Variants in SREBF2 observed in about 807,000 individuals in gnomAD.
The protein encoded by SREBF2 is sterol regulatory element-binding protein 2.
SREBF2 carries 55 observed loss-of-function variants against 113.1 expected under a neutral mutation model. The observed-to-expected ratio is 0.49, with a 90% CI of 0.39 to 0.61. SREBF2 has a LOEUF of 0.61. SREBF2 is among the 20% of genes least tolerant of loss of function. The probability of loss-of-function intolerance (pLI) is 0.00; values close to 1 mark genes in which losing one functional copy is unlikely to be tolerated. For missense variants in SREBF2, 1,349 were observed against 1,487.4 expected (o/e 0.91, Z 1.53); for synonymous variants, 593 against 605.7 (o/e 0.98, Z 0.31).
At chr22:41,898,240 A>G (rs1487038224) in intron 14 of SREBF2, among the ~76,000 whole-genome samples, 1 of 151,936 alleles carries the variant, frequency 6.6e-6, no homozygotes, top group African/African-American at 2.4e-5. Flanking sequence ...CAGCCTCCCT[A>G]GTAGCTGGGA....
At chr22:41,876,138 C>T (rs953419673) in intron 7 of SREBF2, among the ~76,000 whole-genome samples, 1 of 152,212 alleles carries the variant, frequency 6.6e-6, no homozygotes, top group Admixed American at 6.5e-5. Flanking sequence ...GAAATGATTA[C>T]AATTTGCAGT....
chr22:41,902,582 T>C (rs544235112), intron 16 of SREBF2, among the ~76,000 whole-genome samples: 38 of 152,268 alleles, frequency 2.5e-4, no homozygotes, highest in African/African-American at 8.9e-4. Flanking sequence ...CCTTGGTACC[T>C]TGTGGGTATC....
At chr22:41,873,666 G>T (rs769116976) in intron 4 of SREBF2, 132 bp from the exon 5 acceptor site, 89 of 897,482 alleles carry the variant, frequency 9.9e-5, no homozygotes, top group Non-Finnish European at 1.5e-4. Context: ...GATTAACCCA[G>T]GAAGAGTCTC....
chr22:41,872,681 A>G (rs1411987423), intron 4 of SREBF2, among the ~76,000 whole-genome samples: 2 of 152,042 alleles, frequency 1.3e-5, no homozygotes, highest in African/African-American at 2.4e-5. Context: ...ACCTGAGGTC[A>G]GTAGTTTGAG....
At chr22:41,841,130 G>C (rs560554738) in intron 1 of SREBF2, among the ~76,000 whole-genome samples, 26 of 152,304 alleles carry the variant, frequency 1.7e-4, no homozygotes, top group African/African-American at 5.5e-4. Context: ...CTAGGAGTGA[G>C]TGTTGGGGAT....
At chr22:41,869,524 C>A (rs1244530061) in intron 3 of SREBF2, among the ~76,000 whole-genome samples, 1 of 150,592 alleles carries the variant, frequency 6.6e-6, no homozygotes. Context: ...GCTCTTGTTG[C>A]CCAGGTTGGA....
At chr22:41,845,112 G>T (rs2076865226) in intron 1 of SREBF2, among the ~76,000 whole-genome samples, 1 of 151,922 alleles carries the variant, frequency 6.6e-6, no homozygotes, top group South Asian at 2.1e-4. Context: ...TGTATTTTTA[G>T]TAAAGATGAG....
At chr22:41,834,431 A>G (rs2076749642) in intron 1 of SREBF2, 1 of 152,654 alleles carries the variant, frequency 6.6e-6, no homozygotes, top group South Asian at 2.1e-4. Context: ...TGACTTATCT[A>G]AGGCCACTCA....
intron 1 of SREBF2, among the ~76,000 whole-genome samples, chr22:41,863,573 G>A (rs901422052): frequency 1.3e-5 from 2 of 152,192 alleles, no homozygotes; most frequent in Non-Finnish European, 2.9e-5. Flanking sequence ...TGAATTTGAG[G>A]ACATTTCTCA....
intron 1 of SREBF2, among the ~76,000 whole-genome samples, chr22:41,862,498 G>A (rs1336197845): frequency 6.6e-6 from 1 of 152,168 alleles, no homozygotes; most frequent in African/African-American, 2.4e-5. Context: ...GCCTGCCGTA[G>A]GAACTGGAGC....
intron 1 of SREBF2, among the ~76,000 whole-genome samples, chr22:41,850,927 G>C (rs2076922795): frequency 6.6e-6 from 1 of 152,096 alleles, no homozygotes; most frequent in Non-Finnish European, 1.5e-5. Flanking sequence ...TTTTGGTAGA[G>C]ATGGGGTTTC....
chr22:41,903,512 G>A (rs1017785812), intron 17 of SREBF2, among the ~76,000 whole-genome samples: 21 of 152,286 alleles, frequency 1.4e-4, no homozygotes, highest in Non-Finnish European at 2.2e-4. Context: ...GCCTGGTCCC[G>A]AGCTCCACGT....
chr22:41,845,057 A>G (rs2076864597), intron 1 of SREBF2, among the ~76,000 whole-genome samples: 1 of 150,734 alleles, frequency 6.6e-6, no homozygotes, highest in Admixed American at 6.6e-5. Context: ...TGTAATCCCG[A>G]GTAGCTGGGA....
chr22:41,846,016 G>A (rs1326899915), intron 1 of SREBF2, among the ~76,000 whole-genome samples: 1 of 152,236 alleles, frequency 6.6e-6, no homozygotes, highest in African/African-American at 2.4e-5. Flanking sequence ...GTTCCAGGCT[G>A]AGTGAACAGC....
At chr22:41,864,307 A>ATG (rs1569386209) in intron 1 of SREBF2, among the ~76,000 whole-genome samples, 39 of 106,124 alleles carry the variant, frequency 3.7e-4, no homozygotes, top group African/African-American at 1.4e-3. Context: ...ATATATATAT[A>ATG]TGTATATATA....
At chr22:41,873,286 G>C (rs1028715195) in intron 4 of SREBF2, among the ~76,000 whole-genome samples, 7 of 152,134 alleles carry the variant, frequency 4.6e-5, no homozygotes, top group African/African-American at 1.7e-4. Flanking sequence ...CTCCATGGTT[G>C]GCCTATTTAC....
rs1404463766 is a variant in SREBF2, at chr22:41,905,611, A to G, written c.3377A>G (p.Gln1126Arg). The G allele has an allele frequency of 2.5e-6, 4 of 1,600,154 alleles. No individual in the cohort carries two copies. The highest frequency in any genetic ancestry group is 3.4e-6 in the Non-Finnish European group (4 of 1,174,364). ...VGDRRSCNDCQQMIVKLGGGT... is the reference protein window; with the variant it reads ...VGDRRSCNDCRQMIVKLGGGT... ...GACCGGCGCTCCTGCAACGACTGCC[A>G]GCAGATGATTGTTAAGCTGGGTGGT... Residue 1126 changes from glutamine (Q) to arginine (R), a missense_variant, in exon 19 of 19, where the codon CAG (glutamine) becomes CGG (arginine). By Grantham distance (43) the Gln-to-Arg change is conservative (BLOSUM62 1). Transcript: ENST00000361204.
chr22:41,851,830 A>C (rs1704688205), intron 1 of SREBF2, among the ~76,000 whole-genome samples: 1 of 151,798 alleles, frequency 6.6e-6, no homozygotes, highest in Admixed American at 6.6e-5. Context: ...TTTAAAAAAA[A>C]AACAAAGCGG....
intron 11 of SREBF2, among the ~76,000 whole-genome samples, chr22:41,886,823 C>G (rs547536627): frequency 9.2e-5 from 14 of 152,324 alleles, no homozygotes; most frequent in African/African-American, 3.4e-4. Flanking sequence ...CACCTGAGGT[C>G]AGGAGTTCAA....
Sources: gnomAD v4.1 joint callset for allele counts (sites outside exome capture counted in the v4.1 genomes callset) on GRCh38, gnomAD v4.1.1 for gene constraint, MANE v1.5 for transcripts, NCBI Gene and HGNC (gene_info 2026-07-23, HGNC 2026-07-21) for gene names.